PP2D1: variants seen among roughly 807,000 people sequenced by gnomAD.
PP2D1 encodes protein phosphatase 2C-like domain-containing protein 1.
In PP2D1, 25 loss-of-function variants were observed where a neutral mutation model predicts 30.2. The observed-to-expected ratio is 0.83, with a 90% CI of 0.60 to 1.16. The LOEUF (loss-of-function observed/expected upper bound fraction) is 1.16. PP2D1 is among the 50% of genes most tolerant of loss of function. PP2D1 has a pLI of 0.00. For synonymous variants in PP2D1, 260 were observed against 258.9 expected, an observed-to-expected ratio of 1.00 and a Z score of -0.04; for missense variants, 760 against 742.4, an observed-to-expected ratio of 1.02 and a Z score of -0.28.
Position 20,001,261 on chromosome 3 carries a change from C to G in PP2D1, c.859G>C (p.Ala287Pro). 6.5e-7 allele frequency: 1 copy of G among 1,536,058 alleles called. No individual in the cohort carries two copies. Among genetic ancestry groups the G allele is most frequent in the Non-Finnish European group, 8.7e-7 (1 of 1,146,866 alleles). The change falls in exon 2 of 3, where the codon GCA (alanine) becomes CCA (proline). Residue 287 changes from alanine to proline, a missense_variant. Ala to Pro is a conservative substitution (Grantham distance 27). Around this residue, in one of 3 missense-constraint regions of PP2D1, gnomAD observed 374 missense variants for 388.8 expected, o/e 0.96. Coordinates refer to ENST00000389050, the MANE Select transcript of PP2D1 (RefSeq NM_001252657.2). ...CTATCCATTCTCCAAAATGCTTTTG[C>G]AAAGGCTTTGTGTGTGTCCTCATAC... is the stretch of plus-strand genomic sequence containing the variant. Reference protein sequence around the residue: ...CEYEDTHKAFAKAFWRMDRLL... With the variant: ...CEYEDTHKAFPKAFWRMDRLL...
intron 2 of PP2D1, among the ~76,000 whole-genome samples, chr3:19,995,350 C>T (rs1183289602): frequency 6.6e-6 from 1 of 152,024 alleles, no homozygotes; most frequent in Non-Finnish European, 1.5e-5. Flanking sequence ...ATGGGTGGAA[C>T]AGTAAAATGC....
chr3:19,989,907 A>G lies in PP2D1; in HGVS notation c.1091-3725T>C, dbSNP rs533816547. Among the ~76,000 whole-genome samples, 68 of 152,346 alleles carry G rather than the reference A, an allele frequency of 4.5e-4. No individual in the cohort carries two copies. The South Asian group carries it at 6.6e-3, about 15-fold the overall frequency. ...ATGTGATTTGAAAAGAATTTAATAG[A>G]AATATGTACTTACAATGGAAGGATG... On this transcript the variant is annotated intron_variant, in intron 2 of 2. Transcript: ENST00000389050.
At chr3:20,003,131 G>A (rs1245237602) in intron 1 of PP2D1, among the ~76,000 whole-genome samples, 1 of 151,950 alleles carries the variant, frequency 6.6e-6, no homozygotes, top group African/African-American at 2.4e-5. Context: ...TTACTATGTG[G>A]CTGGCTTATG....
At chr3:20,003,138 T>A (rs947688672) in intron 1 of PP2D1, among the ~76,000 whole-genome samples, 1 of 152,092 alleles carries the variant, frequency 6.6e-6, no homozygotes, top group Non-Finnish European at 1.5e-5. Flanking sequence ...GTGGCTGGCT[T>A]ATGTGTTTAT....
intron 2 of PP2D1, among the ~76,000 whole-genome samples, chr3:19,988,661 C>T (rs917445028): frequency 6.6e-6 from 1 of 152,126 alleles, no homozygotes; most frequent in East Asian, 1.9e-4. Context: ...TAAAAACTTG[C>T]TGGTTTTGTG....
rs538174314 is a variant in PP2D1, at chr3:20,001,976, G to A, written c.144C>T (p.His48=). ...FRKKKSRPVR[H]TKRHEEEQVY... is the part of the protein sequence containing the mutation. ...CCTGCTCCTCTTCATGGCGTTTGGT[G>A]TGTCTCACTGGTCTTGACTTTTTCT... Residue 48 remains histidine, a synonymous_variant, in exon 2 of 3, where the codon CAC becomes CAT. Coordinates refer to ENST00000389050, the MANE Select transcript of PP2D1 (RefSeq NM_001252657.2). 697 of 1,536,114 alleles carry A rather than the reference G, an allele frequency of 4.5e-4. 1 individual carries two copies. Among genetic ancestry groups the A allele is most frequent in the Non-Finnish European group, 5.8e-4 (662 of 1,146,902 alleles).
chr3:20,007,886 T>C, intron 1 of PP2D1: 1 of 218,508 alleles, frequency 4.6e-6, no homozygotes. Context: ...ATCTCCTAGT[T>C]GTAACTTCTG....
chr3:20,008,612 C>T (rs537622092), intron 1 of PP2D1, among the ~76,000 whole-genome samples: 4 of 152,104 alleles, frequency 2.6e-5, no homozygotes, highest in African/African-American at 9.6e-5. Context: ...CCTGGGCGGG[C>T]GCTGTAGCTC....
chr3:19,981,806 G>A (rs1007571668), downstream of PP2D1, among the ~76,000 whole-genome samples: 3 of 152,058 alleles, frequency 2.0e-5, no homozygotes, highest in East Asian at 5.8e-4. Flanking sequence ...CTGGTTGAGA[G>A]TGTTGTCTGA....
intron 2 of PP2D1, 133 bp downstream of exon 2, chr3:20,000,897 A>G: frequency 2.3e-6 from 1 of 434,878 alleles, no homozygotes; most frequent in Non-Finnish European, 3.9e-6. Context: ...GTTGTTTCTT[A>G]TATTGATCAA....
chr3:20,009,488 AAAAAT>A (rs1325190163), intron 1 of PP2D1, among the ~76,000 whole-genome samples: 1 of 152,176 alleles, frequency 6.6e-6, no homozygotes, highest in African/African-American at 2.4e-5. Flanking sequence ...ATATTAAATT[AAAAAT>A]AAAATGTGAG....
At chr3:19,993,981 C>T (rs920228462) in intron 2 of PP2D1, among the ~76,000 whole-genome samples, 2 of 151,864 alleles carry the variant, frequency 1.3e-5, no homozygotes, top group African/African-American at 4.8e-5. Flanking sequence ...ATCCACCCAC[C>T]TCGGCCTCCC....
Position 19,985,476 on chromosome 3 carries a change from A to G in PP2D1, c.1797T>C (p.His599=). 6.5e-7 allele frequency: 1 copy of G among 1,536,102 alleles called. No homozygotes were observed. The highest frequency in any genetic ancestry group is 8.7e-7 in the Non-Finnish European group (1 of 1,146,854). Residue 599 remains histidine (H), a synonymous_variant, in exon 3 of 3, where the codon CAT becomes CAC. Coordinates refer to ENST00000389050, the MANE Select transcript of PP2D1 (RefSeq NM_001252657.2). Reference sequence around the variant, plus strand: ...CCAGTAAAGCAGCATTTACAAGTTCATGGCTAACATACTCAGCTGCGCCTT... The same window carrying G: ...CCAGTAAAGCAGCATTTACAAGTTCGTGGCTAACATACTCAGCTGCGCCTT... ...FYEGAAEYVS[H]ELVNAALLAG...
intron 2 of PP2D1, among the ~76,000 whole-genome samples, chr3:19,988,089 C>T (rs183152729): frequency 6.6e-6 from 1 of 152,164 alleles, no homozygotes; most frequent in East Asian, 1.9e-4. Context: ...TGTTCATAAA[C>T]CATGTGTGTT....
intron 2 of PP2D1, among the ~76,000 whole-genome samples, chr3:19,991,641 T>G (rs908517728): frequency 1.3e-5 from 2 of 152,220 alleles, no homozygotes; most frequent in Non-Finnish European, 2.9e-5. Context: ...CCCAAACTTT[T>G]GTCTATGTGG....
chr3:19,982,956 A>G (rs145797380), downstream of PP2D1, among the ~76,000 whole-genome samples: 2 of 152,156 alleles, frequency 1.3e-5, no homozygotes, highest in Non-Finnish European at 2.9e-5. Flanking sequence ...TGTTTGTGGC[A>G]GTCTAGAGAA....
chr3:20,002,647 C>T (rs141224094), intron 1 of PP2D1, among the ~76,000 whole-genome samples: 11 of 152,272 alleles, frequency 7.2e-5, no homozygotes, highest in South Asian at 6.2e-4. Context: ...AGGCCAGGCA[C>T]GGTGGCTCAC....
Position 19,985,997 on chromosome 3 carries a change from G to A in PP2D1, c.1276C>T (p.Leu426Phe). ...GGGATAATGGATTTTTTCAGCTTGA[G>A]ATTTCCATGAAATCCAAGTCCTCGT... The part of the protein sequence containing the change: ...TTRGLGFHGN[L>F]KLKKSIIPAP... The change falls in exon 3 of 3, where the codon CTC (leucine) becomes TTC (phenylalanine). Residue 426 changes from leucine (L) to phenylalanine (F), a missense_variant. Around this residue, in one of 3 missense-constraint regions of PP2D1, gnomAD observed 369 missense variants for 316.2 expected, o/e 1.17. Transcript: ENST00000389050. The A allele has an allele frequency of 6.5e-7, 1 of 1,536,072 alleles. No homozygotes were observed. The highest frequency in any genetic ancestry group is 8.7e-7 in the Non-Finnish European group (1 of 1,146,868).
chr3:19,990,657 C>T (rs569637724), intron 2 of PP2D1, among the ~76,000 whole-genome samples: 2 of 151,928 alleles, frequency 1.3e-5, no homozygotes, highest in Admixed American at 1.3e-4. Context: ...CTGTCAGCTA[C>T]AAACAGGGTG....
Sources: allele counts gnomAD v4.1 joint callset (sites outside exome capture counted in the v4.1 genomes callset), GRCh38; gene constraint gnomAD v4.1.1; regional missense constraint gnomAD v4.1.1; transcripts MANE v1.5; gene names NCBI Gene and HGNC (gene_info 2026-07-23, HGNC 2026-07-21).